HNF4G: variants seen among roughly 807,000 people sequenced by gnomAD.
HNF4G encodes the protein hepatocyte nuclear factor 4-gamma.
A neutral mutation model predicts 50.9 loss-of-function variants in HNF4G; 21 were observed. That is an observed-to-expected ratio of 0.41 (90% CI 0.29 to 0.59). The LOEUF (loss-of-function observed/expected upper bound fraction) is 0.59, where lower values mean the gene tolerates loss of function less well. HNF4G is among the 20% of genes least tolerant of loss of function. The probability of loss-of-function intolerance (pLI) is 0.26; values close to 1 mark genes in which losing one functional copy is unlikely to be tolerated. For missense variants in HNF4G, 527 were observed against 559.4 expected, an observed-to-expected ratio of 0.94 and a Z score of 0.58; for synonymous variants, 198 against 185.6, an observed-to-expected ratio of 1.07 and a Z score of -0.54.
At chr8:75,431,330 G>A (rs1001419572) in intron 1 of HNF4G, among the ~76,000 whole-genome samples, 8 of 152,102 alleles carry the variant, frequency 5.3e-5, no homozygotes, top group Admixed American at 3.9e-4. Flanking sequence ...TAGGATTGAT[G>A]AAAGACATGG....
intron 1 of HNF4G, among the ~76,000 whole-genome samples, chr8:75,423,008 G>T (rs1333432980): frequency 6.6e-6 from 1 of 152,114 alleles, no homozygotes; most frequent in African/African-American, 2.4e-5. Flanking sequence ...GAGCAGAGAT[G>T]ATATTCTGCT....
chr8:75,560,500 T>A (rs1800950), intron 9 of HNF4G, 34 bp downstream of exon 9: 111,689 of 1,581,602 alleles, frequency 0.071, 4,828 homozygotes, highest in African/African-American at 0.19. Flanking sequence ...ACCAAGATAT[T>A]TCTTAATTAC....
intron 1 of HNF4G, among the ~76,000 whole-genome samples, chr8:75,462,971 T>G (rs540203628): frequency 1.3e-5 from 2 of 152,042 alleles, no homozygotes; most frequent in Non-Finnish European, 2.9e-5. Flanking sequence ...TATTAAACAT[T>G]TTGTGGGCCT....
chr8:75,482,202 T>A (rs896213925), intron 1 of HNF4G, among the ~76,000 whole-genome samples: 1 of 152,180 alleles, frequency 6.6e-6, no homozygotes, highest in African/African-American at 2.4e-5. Context: ...GATTAAGGAA[T>A]ATTTCACAGT....
At chr8:75,546,717 C>T (rs1224202168) in intron 2 of HNF4G, among the ~76,000 whole-genome samples, 1 of 152,062 alleles carries the variant, frequency 6.6e-6, no homozygotes, top group African/African-American at 2.4e-5. Flanking sequence ...TATTTACTGA[C>T]AAATAATAAA....
chr8:75,542,722 T>C (rs1222973439), intron 1 of HNF4G, among the ~76,000 whole-genome samples: 1 of 151,480 alleles, frequency 6.6e-6, no homozygotes, highest in Non-Finnish European at 1.5e-5. Context: ...ATGCAGAGGG[T>C]GACATGATAT....
rs370446627 is a variant in HNF4G at position 75,552,937 on chromosome 8, A to G, written c.490-105A>G. ...TTTGTCAAGATACTGTAACAACAAT[A>G]GTGCCTACTTCTATGGCCTTTACTT... is the stretch of plus-strand genomic sequence containing the variant. On this transcript the variant is annotated intron_variant, in intron 4 of 9. Transcript: ENST00000396423. 963 of 654,992 alleles carry G rather than the reference A, an allele frequency of 1.5e-3. 14 individuals are homozygous for G. In the South Asian group the frequency reaches 0.018, roughly 12 times the overall value. The allele number at this position is 654,992 out of a possible 1,614,324, so 40.6% of individuals were successfully genotyped here.
At chr8:75,467,918 G>C (rs771586515) in intron 1 of HNF4G, among the ~76,000 whole-genome samples, 1 of 151,970 alleles carries the variant, frequency 6.6e-6, no homozygotes, top group Non-Finnish European at 1.5e-5. Context: ...AAATGTTCTA[G>C]GTGATTCACA....
chr8:75,438,677 T>A (rs1040824856), intron 1 of HNF4G, among the ~76,000 whole-genome samples: 1 of 152,102 alleles, frequency 6.6e-6, no homozygotes, highest in Non-Finnish European at 1.5e-5. Flanking sequence ...CCATTCTTAT[T>A]TAATGTAATT....
intron 1 of HNF4G, among the ~76,000 whole-genome samples, chr8:75,486,451 G>A (rs569006910): frequency 1.5e-4 from 23 of 152,082 alleles, no homozygotes; most frequent in Non-Finnish European, 2.9e-4. Context: ...TGTTGAATCT[G>A]TGTTATGTAC....
intron 1 of HNF4G, among the ~76,000 whole-genome samples, chr8:75,481,650 T>C (rs969390078): frequency 1.3e-5 from 2 of 152,150 alleles, no homozygotes; most frequent in Non-Finnish European, 2.9e-5. Context: ...TTCTAGGATG[T>C]ACACATTTCA....
chr8:75,465,646 AG>A (rs1811951641), intron 1 of HNF4G, among the ~76,000 whole-genome samples: 1 of 152,280 alleles, frequency 6.6e-6, no homozygotes, highest in East Asian at 1.9e-4. Context: ...AGACAACAAA[AG>A]TATGAAATAA....
At chr8:75,426,399 T>C (rs1810891265) in intron 1 of HNF4G, among the ~76,000 whole-genome samples, 1 of 152,238 alleles carries the variant, frequency 6.6e-6, no homozygotes, top group Non-Finnish European at 1.5e-5. Context: ...AAGCTATTCT[T>C]ATAAATTATC....
chr8:75,410,287 A>T (rs1042504130), intron 1 of HNF4G, among the ~76,000 whole-genome samples: 2 of 152,200 alleles, frequency 1.3e-5, no homozygotes, highest in Non-Finnish European at 2.9e-5. Context: ...AAACACCCAC[A>T]GTATATTTCT....
chr8:75,435,978 T>TA (rs748909681), intron 1 of HNF4G, among the ~76,000 whole-genome samples: 21 of 152,342 alleles, frequency 1.4e-4, no homozygotes, highest in Non-Finnish European at 2.9e-4. Flanking sequence ...TTTTTTACTA[T>TA]AAAATCCAAA....
chr8:75,505,050 A>G (rs760477329), intron 2 of HNF4G, among the ~76,000 whole-genome samples: 32 of 152,304 alleles, frequency 2.1e-4, no homozygotes, highest in Middle Eastern at 3.4e-3. Context: ...ACTCATGAGT[A>G]TCACTGAGAA....
chr8:75,432,515 G>A (rs1249512058), intron 1 of HNF4G, among the ~76,000 whole-genome samples: 1 of 152,034 alleles, frequency 6.6e-6, no homozygotes, highest in Non-Finnish European at 1.5e-5. Context: ...TGGCCAGGCT[G>A]GTCTCAAACT....
At chr8:75,502,931 A>G (rs1395272213) in intron 2 of HNF4G, among the ~76,000 whole-genome samples, 2 of 152,200 alleles carry the variant, frequency 1.3e-5, no homozygotes, top group Non-Finnish European at 2.9e-5. Context: ...AATATGCAAA[A>G]CAAAATGCAT....
rs36098920 is a variant in HNF4G, at chr8:75,434,675, A to AACACACACACACACAC, written c.-144+26529_-144+26544dup. The stretch of plus-strand genomic sequence containing the variant: ...ATTCCAGAACACAAACAACAAGGCC[A>AACACACACACACACAC]ACACACACACACACACACACACACA... On this transcript the variant is annotated intron_variant, in intron 1 of 10. Coordinates refer to the HNF4G transcript ENST00000354370. 1.6e-3 allele frequency among the ~76,000 whole-genome samples: 227 copies of AACACACACACACACAC among 145,786 alleles called. 2 individuals carry two copies. The highest frequency in any genetic ancestry group is 5.5e-3 in the African/African-American group (219 of 39,766).
Sources: allele counts gnomAD v4.1 joint callset (sites outside exome capture counted in the v4.1 genomes callset), GRCh38; gene constraint gnomAD v4.1.1; transcripts MANE v1.5; gene names NCBI Gene and HGNC (gene_info 2026-07-23, HGNC 2026-07-21).